The following DMD variants were observed in gnomAD, a reference collection of about 807,000 sequenced individuals.
DMD encodes dystrophin, also known as mutant dystrophin.
In DMD, 63 loss-of-function variants were observed where a neutral mutation model predicts 330.1. The ratio of observed to expected loss-of-function variants is 0.19; its 90% CI spans 0.16 to 0.24. DMD has a LOEUF of 0.24. Ranked by LOEUF, DMD falls within the 10% of genes least tolerant of loss-of-function variation. The pLI, the probability that DMD is intolerant of heterozygous loss-of-function variation, is 1.00. For missense variants in DMD, 3,344 were observed against 2,684.1 expected (o/e 1.25, Z -5.43); for synonymous variants, 1,223 against 959.8 (o/e 1.27, Z -5.07).
intron 44 of DMD, among the ~76,000 whole-genome samples, chrX:32,129,404 A>G (rs2096677492): frequency 9.0e-6 from 1 of 111,248 alleles, no homozygotes; most frequent in South Asian, 3.7e-4. Flanking sequence ...CTTAGAGGCC[A>G]ATTTGACAGT....
chrX:33,190,886 AATATTATATATTATATAATATATAATAT>A (rs1569557969), intron 1 of DMD, among the ~76,000 whole-genome samples: 31 of 2,714 alleles, frequency 0.011, 7 homozygotes, highest in African/African-American at 0.015. Flanking sequence ...TATAATATAT[AATATTATATATTATATAATATATAATAT>A]TATATATATA....
intron 33 of DMD, among the ~76,000 whole-genome samples, chrX:32,383,530 C>A (rs866798442): frequency 9.0e-6 from 1 of 111,080 alleles, no homozygotes; most frequent in African/African-American, 3.2e-5. Flanking sequence ...GGACTTACAG[C>A]ATTTTTATAA....
At chrX:33,066,663 C>T (rs1275894247) in intron 1 of DMD, among the ~76,000 whole-genome samples, 1 of 109,549 alleles carries the variant, frequency 9.1e-6, no homozygotes, top group Non-Finnish European at 1.9e-5. Flanking sequence ...TAGATGATGC[C>T]CATTTAAACC....
intron 1 of DMD, among the ~76,000 whole-genome samples, chrX:33,145,105 T>C (rs2047962987): frequency 8.9e-6 from 1 of 112,333 alleles, no homozygotes; most frequent in African/African-American, 3.2e-5. Context: ...CTAGGTGTTA[T>C]TCATGTATTT....
At chrX:32,425,885 G>A (rs2098210679) in intron 29 of DMD, among the ~76,000 whole-genome samples, 1 of 111,783 alleles carries the variant, frequency 8.9e-6, no homozygotes, top group Non-Finnish European at 1.9e-5. Context: ...AGCAAGCAAT[G>A]AGGAAAGGAC....
intron 21 of DMD, among the ~76,000 whole-genome samples, chrX:32,479,644 T>A (rs2041622810): frequency 9.1e-6 from 1 of 109,909 alleles, no homozygotes; most frequent in Admixed American, 9.9e-5. Context: ...TAGTATTCCA[T>A]TGCATATATA....
chrX:31,963,185 C>T (rs746033293), intron 45 of DMD, among the ~76,000 whole-genome samples: 2 of 111,940 alleles, frequency 1.8e-5, no homozygotes, highest in Admixed American at 1.9e-4. Context: ...AGATAAGGCT[C>T]ATTTCTAATC....
At chrX:32,062,917 G>GAA (rs11418420) in intron 44 of DMD, among the ~76,000 whole-genome samples, 44 of 105,952 alleles carry the variant, frequency 4.2e-4, no homozygotes, top group South Asian at 1.2e-3. Context: ...TTATTGAAAG[G>GAA]AAAAAAAAAC....
chrX:31,432,729 G>C (rs755150406), intron 60 of DMD, among the ~76,000 whole-genome samples: 1 of 112,054 alleles, frequency 8.9e-6, no homozygotes, highest in Non-Finnish European at 1.9e-5. Flanking sequence ...CTATCATGTG[G>C]TGTCTTTGTA....
chrX:32,910,971 C>A (rs958879792), intron 2 of DMD, among the ~76,000 whole-genome samples: 12 of 111,815 alleles, frequency 1.1e-4, no homozygotes, highest in African/African-American at 3.6e-4. Context: ...TAATGTTTAT[C>A]CCTGTCTGCA....
intron 19 of DMD, 85 bp downstream of exon 19, chrX:32,501,670 G>A (rs930580779): frequency 1.0e-5 from 7 of 681,880 alleles, no homozygotes; most frequent in Admixed American, 5.2e-5. Flanking sequence ...ACAAGTGCTT[G>A]TCTGATATAA....
intron 1 of DMD, among the ~76,000 whole-genome samples, chrX:33,020,411 C>T (rs868150868): frequency 3.6e-5 from 4 of 112,016 alleles, no homozygotes; most frequent in African/African-American, 1.3e-4. Context: ...CGGTGGCTCA[C>T]GCCTGTGATC....
At chrX:32,602,250 C>T (rs1447177872) in intron 12 of DMD, among the ~76,000 whole-genome samples, 1 of 111,881 alleles carries the variant, frequency 8.9e-6, no homozygotes, top group Non-Finnish European at 1.9e-5. Context: ...AGGACAGTCC[C>T]TAATCACGAA....
intron 44 of DMD, among the ~76,000 whole-genome samples, chrX:32,068,373 C>CTTTTTTTTTTTTT (rs1569539146): frequency 3.3e-5 from 2 of 60,510 alleles, no homozygotes; most frequent in African/African-American, 1.5e-4. Context: ...CCTTGCTTGT[C>CTTTTTTTTTTTTT]ATTTTTTTTT....
chrX:31,843,447 T>TG (rs1476396616), intron 48 of DMD, among the ~76,000 whole-genome samples: 1 of 112,129 alleles, frequency 8.9e-6, no homozygotes, highest in Non-Finnish European at 1.9e-5. Context: ...GGTTTTGATT[T>TG]GCATTTCTCT....
chrX:32,473,902 T>C lies in DMD; in HGVS notation c.2804-1593A>G, dbSNP rs752797160. ...TTGGTTACATGAGTAAGTTCTTTAG[T>C]GGTGATTTGTGAGATTTTGGTGCAC... On this transcript the variant is annotated intron_variant, in intron 21 of 78. Coordinates refer to ENST00000357033, the MANE Select transcript of DMD (RefSeq NM_004006.3). Among the ~76,000 whole-genome samples the C allele has an allele frequency of 4.5e-5, 5 of 110,376 alleles. No individual in the cohort carries two copies. The South Asian group carries it at 2.0e-3, about 43-fold the overall frequency.
At chrX:32,841,915 TACATTTGC>T (rs1379726725) in intron 4 of DMD, among the ~76,000 whole-genome samples, 8 of 111,638 alleles carry the variant, frequency 7.2e-5, no homozygotes, top group African/African-American at 2.6e-4. Context: ...AAAAGGAAAA[TACATTTGC>T]AACTCAAAAC....
intron 61 of DMD, among the ~76,000 whole-genome samples, chrX:31,339,585 A>AT (rs991178784): frequency 2.7e-5 from 3 of 111,400 alleles, no homozygotes; most frequent in Non-Finnish European, 3.8e-5. Flanking sequence ...TGATGTTTTT[A>AT]TTTTTTTGAG....
intron 1 of DMD, among the ~76,000 whole-genome samples, chrX:33,125,301 C>A: frequency 1.8e-5 from 2 of 110,870 alleles, no homozygotes; most frequent in Admixed American, 1.9e-4. Context: ...CTGATTATTG[C>A]TGAAGCATGT....
Sources: gnomAD v4.1 joint callset for allele counts (sites outside exome capture counted in the v4.1 genomes callset) on GRCh38, gnomAD v4.1.1 for gene constraint, MANE v1.5 for transcripts, NCBI Gene and HGNC (gene_info 2026-07-23, HGNC 2026-07-21) for gene names.